DNAAF10: variants seen among roughly 807,000 people sequenced by gnomAD.
The protein encoded by DNAAF10 is WD repeat domain 92.
A neutral mutation model predicts 43.7 loss-of-function variants in DNAAF10; 28 were observed. The ratio of observed to expected loss-of-function variants is 0.64; its 90% CI spans 0.48 to 0.88. DNAAF10 has a LOEUF of 0.88. Among genes scored for constraint, DNAAF10 ranks in the 40% least tolerant of loss-of-function variants. The pLI is 0.00. For missense variants in DNAAF10, 403 were observed against 439.1 expected (o/e 0.92, Z 0.73); for synonymous variants, 156 against 157.3 (o/e 0.99, Z 0.06).
rs756056021 is a variant in DNAAF10 at position 68,157,328 on chromosome 2, A to C, written c.116T>G (p.Phe39Cys). The part of the protein sequence containing the change: ...CSAKFVTMGN[F>C]ARGTGVIQLY... ...CTGAATGACGCCGGTGCCCCGTGCG[A>C]AGTTGCCCATGGTCACAAATTTGGC... Residue 39 changes from phenylalanine (F) to cysteine (C), a missense_variant, in exon 1 of 8, where the codon TTC becomes TGC. By Grantham distance (205) the Phe-to-Cys change is radical. Transcript: ENST00000295121. The C allele has an allele frequency of 5.0e-6, 8 of 1,614,018 alleles. No individual in the cohort carries two copies. Among genetic ancestry groups the C allele is most frequent in the South Asian group, 1.1e-5 (1 of 91,090 alleles).
At chr2:68,152,584 T>C (rs1027414519) in intron 1 of DNAAF10, among the ~76,000 whole-genome samples, 10 of 152,032 alleles carry the variant, frequency 6.6e-5, no homozygotes, top group Non-Finnish European at 1.0e-4. Context: ...TGAAAAGAAG[T>C]TGGTGGTAAA....
In DNAAF10 at chr2:68,131,264, T is replaced by A. The variant is rs1191748859; in HGVS notation, c.1048A>T (p.Ile350Phe). ...CAAATTTTATTGAGCTTTGTAACGA[T>A]CAGTACTCTCACCGTTTGGTCAAAT... ...SSFDQTVRVL[I>F]VTKLNKI Residue 350 changes from isoleucine to phenylalanine, a missense_variant, in exon 8 of 8, where the codon ATC becomes TTC. Physicochemically the swap from Ile to Phe is conservative, Grantham distance 21 (BLOSUM62 0). Coordinates refer to ENST00000295121, the MANE Select transcript of DNAAF10 (RefSeq NM_138458.4). 6.2e-7 allele frequency: 1 copy of A among 1,614,080 alleles called. No individual in the cohort carries two copies. The highest frequency in any genetic ancestry group is 1.1e-5 in the South Asian group (1 of 91,076).
Position 68,134,736 on chromosome 2 carries a change from C to T in DNAAF10, c.832G>A (p.Ala278Thr). The T allele has an allele frequency of 6.2e-7, 1 of 1,608,810 alleles. No homozygotes were observed. Residue 278 changes from alanine to threonine, a missense_variant, in exon 7 of 8, where the codon GCT becomes ACT. By Grantham distance (58) the Ala-to-Thr change is moderately conservative. Coordinates refer to ENST00000295121, the MANE Select transcript of DNAAF10 (RefSeq NM_138458.4). ...AGGTGAAGGCCGCCGGCGCCTCCAG[C>T]TGTCAGAAAGAGCTCCCTGTTCTGC... ...LPQNRELFLT[A>T]GGAGGLHLWK...
intron 7 of DNAAF10, among the ~76,000 whole-genome samples, chr2:68,133,173 A>G (rs1293406068): frequency 2.6e-5 from 4 of 152,164 alleles, no homozygotes; most frequent in African/African-American, 9.7e-5. Context: ...TTCTCCCAGA[A>G]CGACTCAAAC....
Position 68,157,321 on chromosome 2 carries a change from C to T in DNAAF10, c.123G>A (p.Arg41=), listed in dbSNP as rs1163446921. The T allele has an allele frequency of 1.2e-6, 2 of 1,614,162 alleles. No individual in the cohort carries two copies. Among genetic ancestry groups the T allele is most frequent in the Non-Finnish European group, 8.5e-7 (1 of 1,180,032 alleles). ...CGTACAGCTGAATGACGCCGGTGCC[C>T]CGTGCGAAGTTGCCCATGGTCACAA... ...AKFVTMGNFA[R]GTGVIQLYEI... Residue 41 remains arginine (R), a synonymous_variant, in exon 1 of 8, where the codon CGG becomes CGA. Transcript: ENST00000295121.
In DNAAF10 at chr2:68,130,115, G is replaced by GATATATATATAT. The variant is rs59876151; in HGVS notation, c.*1111_*1122dup. ...CAACCGTGCCGTTTTGAGAGAGAGA[G>GATATATATATAT]ATATATATATATATATTTGTTTTTT... On this transcript the variant is annotated 3_prime_UTR_variant, in exon 8 of 8. Transcript: ENST00000295121. 5 of 132,948 alleles carry GATATATATATAT rather than the reference G, an allele frequency of 3.8e-5. No homozygotes were observed. The highest frequency in any genetic ancestry group is 1.2e-4 in the African/African-American group (4 of 34,264). The allele number at this position is 132,948 out of a possible 1,614,324, so 8.2% of individuals were successfully genotyped here.
At chr2:68,153,542 C>T (rs970876147) in intron 1 of DNAAF10, among the ~76,000 whole-genome samples, 6 of 151,772 alleles carry the variant, frequency 4.0e-5, no homozygotes, top group African/African-American at 1.5e-4. Context: ...AAACCTTACT[C>T]CAGATGCAAC....
rs1299522254 is a variant in DNAAF10 at position 68,147,369 on chromosome 2, A to T, written c.284+98T>A. On this transcript the variant is annotated intron_variant, in intron 2 of 7. Coordinates refer to ENST00000295121, the MANE Select transcript of DNAAF10 (RefSeq NM_138458.4). ...TATAGTTAAAATGGAACATAGAAAG[A>T]TTTTAAAATTAAAATTCTCTCTTTC... 3.4e-6 allele frequency: 3 copies of T among 890,070 alleles called. No individual in the cohort carries two copies. In the African/African-American group the frequency reaches 5.2e-5, roughly 15 times the overall value. 55.1% of individuals were successfully genotyped at this position (890,070 alleles called of 1,614,324 possible).
In DNAAF10 at chr2:68,157,516, C is replaced by G. The variant is rs986312298; in HGVS notation, c.-73G>C. 15 of 1,599,508 alleles carry G rather than the reference C, an allele frequency of 9.4e-6. No individual in the cohort carries two copies. The African/African-American group carries it at 1.9e-4, about 20-fold the overall frequency. ...AAAACGGCAACCTGGAAACCAGACTCCAAACATTGGCAATTTGTCCCTCCC... is the reference window on the plus strand; with the variant it reads ...AAAACGGCAACCTGGAAACCAGACTGCAAACATTGGCAATTTGTCCCTCCC... On this transcript the variant is annotated 5_prime_UTR_variant, in exon 1 of 8. Transcript: ENST00000295121.
At chr2:68,145,782 C>A (rs1032229820) in intron 2 of DNAAF10, among the ~76,000 whole-genome samples, 1 of 152,226 alleles carries the variant, frequency 6.6e-6, no homozygotes, top group African/African-American at 2.4e-5. Context: ...GTGATCCTCA[C>A]ACATTCCTTT....
Position 68,130,078 on chromosome 2 carries a change from C to A in DNAAF10, c.*1160G>T, listed in dbSNP as rs1672892991. The A allele has an allele frequency of 7.0e-6, 1 of 143,832 alleles. No homozygotes were observed. Among genetic ancestry groups the A allele is most frequent in the African/African-American group, 2.6e-5 (1 of 38,066 alleles). 8.9% of individuals were successfully genotyped at this position (143,832 alleles called of 1,614,324 possible). On this transcript the variant is annotated 3_prime_UTR_variant, in exon 8 of 8. Transcript: ENST00000295121. ...GAATTAAATTGCAGAAAATAGCTAC[C>A]CAAATCTAGACCAACCGTGCCGTTT...
At chr2:68,149,141 T>C (rs914654647) in intron 1 of DNAAF10, among the ~76,000 whole-genome samples, 12 of 152,232 alleles carry the variant, frequency 7.9e-5, no homozygotes, top group African/African-American at 2.7e-4. Flanking sequence ...ATAGGGTATA[T>C]TATCCATATA....
chr2:68,134,881 A>G, intron 6 of DNAAF10, 82 bp from the exon 7 acceptor site: 1 of 1,470,090 alleles, frequency 6.8e-7, no homozygotes, highest in Non-Finnish European at 9.4e-7. Context: ...AAAAACTCTT[A>G]CAACTATAAT....
intron 3 of DNAAF10, among the ~76,000 whole-genome samples, chr2:68,143,266 C>A (rs1268734497): frequency 6.6e-6 from 1 of 152,106 alleles, no homozygotes; most frequent in Non-Finnish European, 1.5e-5. Flanking sequence ...CCACTTCAAC[C>A]TCCCACTGCC....
chr2:68,155,914 C>T (rs891752779), intron 1 of DNAAF10, among the ~76,000 whole-genome samples: 1 of 151,260 alleles, frequency 6.6e-6, no homozygotes, highest in African/African-American at 2.4e-5. Context: ...CTAGGCAACA[C>T]GGTGAAACCC....
chr2:68,133,022 G>T (rs1672957054), intron 7 of DNAAF10, among the ~76,000 whole-genome samples: 1 of 152,228 alleles, frequency 6.6e-6, no homozygotes, highest in Non-Finnish European at 1.5e-5. Flanking sequence ...AAGTAAAATA[G>T]TGATGTGCCA....
rs560636831 is a variant in DNAAF10 at position 68,145,440 on chromosome 2, T to C, written c.285-725A>G. 7.9e-5 allele frequency among the ~76,000 whole-genome samples: 12 copies of C among 152,262 alleles called. No homozygotes were observed. The East Asian group carries it at 2.1e-3, about 27-fold the overall frequency. On this transcript the variant is annotated intron_variant, in intron 2 of 7. Transcript: ENST00000295121. The stretch of plus-strand genomic sequence containing the variant: ...TTTTTGTTAAAACGCAGCTAGTATA[T>C]TTCTATCTAAATATATATATATGTA...
intron 3 of DNAAF10, among the ~76,000 whole-genome samples, chr2:68,142,640 T>A (rs1032893545): frequency 1.3e-5 from 2 of 152,170 alleles, no homozygotes; most frequent in Non-Finnish European, 2.9e-5. Context: ...AATTAACAAA[T>A]TCTCAATTTA....
At chr2:68,131,673 A>G (rs1009649066) in intron 7 of DNAAF10, 4 of 491,822 alleles carry the variant, frequency 8.1e-6, no homozygotes, top group Middle Eastern at 5.6e-4. Flanking sequence ...AAAAACTTCT[A>G]AAAGTCATTT....
Sources: gnomAD v4.1 joint callset for allele counts (sites outside exome capture counted in the v4.1 genomes callset) on GRCh38, gnomAD v4.1.1 for gene constraint, MANE v1.5 for transcripts, NCBI Gene and HGNC (gene_info 2026-07-23, HGNC 2026-07-21) for gene names.